Variants in NEU4 observed in about 807,000 individuals in gnomAD.
The protein encoded by NEU4 is neuraminidase 4.
A neutral mutation model predicts 9.9 loss-of-function variants in NEU4; 7 were observed. The observed-to-expected ratio is 0.71, with a 90% CI of 0.40 to 1.33. The LOEUF (loss-of-function observed/expected upper bound fraction) is 1.33, where lower values mean the gene tolerates loss of function less well. NEU4 is among the 40% of genes most tolerant of loss of function. NEU4 has a pLI of 0.01. For missense variants in NEU4, 717 were observed against 712.6 expected, an observed-to-expected ratio of 1.01 and a Z score of -0.07; for synonymous variants, 348 against 316.9, an observed-to-expected ratio of 1.10 and a Z score of -1.04.
At position 241,816,543 on chromosome 2, in the gene NEU4, C is replaced by G; in HGVS notation, c.950C>G (p.Pro317Arg). Residue 317 changes from proline (P) to arginine (R), a missense_variant, in exon 4 of 4, where the codon CCA becomes CGA. Pro to Arg is a moderately radical substitution (Grantham distance 103). Transcript: ENST00000407683. ...CTCGGTCCTGGAGTCCACGAACCCC[C>G]AGAGGAGGCTGCTGTAGACCCCCGT... ...PLLGPGVHEP[P>R]EEAAVDPRGG... 1 of 1,611,842 alleles carries G rather than the reference C, an allele frequency of 6.2e-7. No individual in the cohort carries two copies. The highest frequency in any genetic ancestry group is 8.5e-7 in the Non-Finnish European group (1 of 1,179,686).
chr2:241,815,759 C>G (rs1575383351), intron 3 of NEU4: 1 of 581,196 alleles, frequency 1.7e-6, no homozygotes, highest in East Asian at 2.9e-5. Flanking sequence ...CCCAGGGACC[C>G]CACTGCAGGG....
chr2:241,814,282 G>A, intron 1 of NEU4, 200 bp from the exon 2 acceptor site: 1 of 619,852 alleles, frequency 1.6e-6, no homozygotes. Flanking sequence ...GGGTGCGAGG[G>A]AGGGTGGGGG....
Position 241,814,955 on chromosome 2 carries a change from CCTGTGCACGATG to C in NEU4, c.269_280del (p.Val90_Ala93del). On this transcript the variant is annotated inframe_deletion, in exon 3 of 4. Transcript: ENST00000407683. The stretch of plus-strand genomic sequence containing the variant: ...GGAGCACCGGTCCATGAACCCCTGC[CCTGTGCACGATG>C]CTGGCACGGGCACCGTCTTCCTCTT... 3 of 1,611,922 alleles carry C rather than the reference CCTGTGCACGATG, an allele frequency of 1.9e-6. No individual in the cohort carries two copies. Among genetic ancestry groups the C allele is most frequent in the Non-Finnish European group, 2.5e-6 (3 of 1,179,828 alleles).
At position 241,813,540 on chromosome 2, in the gene NEU4, C is replaced by T. The variant is rs764842729; in HGVS notation, c.-3-942C>T. ...CAGGTCCCGCCTGCAACAAGCAGAC[C>T]CCATGCGTGCCCCAAATGCCCCCTC... is the stretch of plus-strand genomic sequence containing the variant. On this transcript the variant is annotated intron_variant, in intron 1 of 3. Coordinates refer to ENST00000407683, the MANE Select transcript of NEU4 (RefSeq NM_001167600.3). 30 of 1,265,232 alleles carry T rather than the reference C, an allele frequency of 2.4e-5. No individual in the cohort carries two copies. In the South Asian group the frequency reaches 3.8e-4, roughly 16 times the overall value. The allele number at this position is 1,265,232 out of a possible 1,614,324, so 78.4% of individuals were successfully genotyped here. A position where few individuals can be genotyped will look rare whatever the true frequency, so the allele number is the denominator to read the frequency against.
chr2:241,814,520 C>T lies in NEU4; in HGVS notation c.36C>T (p.Leu12=), dbSNP rs1479706252. 7 of 1,611,130 alleles carry T rather than the reference C, an allele frequency of 4.3e-6. No individual in the cohort carries two copies. Among genetic ancestry groups the T allele is most frequent in the African/African-American group, 1.3e-5 (1 of 75,044 alleles). The change falls in exon 2 of 4, where the codon CTC becomes CTT. Residue 12 remains leucine, a synonymous_variant. Coordinates refer to ENST00000407683, the MANE Select transcript of NEU4 (RefSeq NM_001167600.3). ...GVPRTPSRTV[L]FERERTGLTY... ...CTCGTACCCCTTCACGGACAGTGCT[C>T]TTCGAGCGGGAGAGGACGGGCCTGA...
intron 2 of NEU4, 73 bp downstream of exon 2, chr2:241,814,758 G>T: frequency 1.3e-6 from 2 of 1,499,176 alleles, no homozygotes; most frequent in Admixed American, 2.0e-5. Flanking sequence ...CCGGGATGGG[G>T]CGGGGGTGGC....
Position 241,809,366 on chromosome 2 carries a change from G to A in NEU4, c.-4+92G>A, listed in dbSNP as rs116586826. 1,402 of 647,366 alleles carry A rather than the reference G, an allele frequency of 2.2e-3. 15 individuals carry two copies. The African/African-American group carries it at 0.023, about 11-fold the overall frequency. The allele number at this position is 647,366 out of a possible 1,614,324, so 40.1% of individuals were successfully genotyped here. A position where few individuals can be genotyped will look rare whatever the true frequency, so the allele number is the denominator to read the frequency against. On this transcript the variant is annotated intron_variant, in intron 1 of 3. Coordinates refer to ENST00000407683, the MANE Select transcript of NEU4 (RefSeq NM_001167600.3). ...AGAGAGTGTTGAGAACAGCCTGTCC[G>A]GGCTGTGCATTGAGAAGGGGCGGTT... is the stretch of plus-strand genomic sequence containing the variant.
intron 2 of NEU4, 38 bp downstream of exon 2, chr2:241,814,723 G>A (rs1279601933): frequency 2.0e-6 from 3 of 1,521,384 alleles, no homozygotes; most frequent in African/African-American, 1.4e-5. Context: ...GGGTGTAGTG[G>A]CCGGATCTGC....
rs747750237 is a variant in NEU4 at position 241,814,607 on chromosome 2, G to C, written c.123G>C (p.Glu41Asp). The change falls in exon 2 of 4, where the codon GAG becomes GAC. Residue 41 changes from glutamate to aspartate, a missense_variant. Glu to Asp is a conservative substitution (Grantham distance 45). Coordinates refer to ENST00000407683, the MANE Select transcript of NEU4 (RefSeq NM_001167600.3). ...PPGPTLLAFV[E>D]QRLSPDDSHA... ...GGCCCACCCTGCTGGCCTTTGTGGA[G>C]CAGCGGCTCAGCCCTGACGACTCCC... 2 of 1,609,930 alleles carry C rather than the reference G, an allele frequency of 1.2e-6. No homozygotes were observed. The highest frequency in any genetic ancestry group is 2.2e-5 in the South Asian group (2 of 90,666).
chr2:241,817,294 T>C lies in NEU4; in HGVS notation c.*246T>C. On this transcript the variant is annotated 3_prime_UTR_variant, in exon 4 of 4. Transcript: ENST00000407683. ...GTGGGCCCTGGGTGACCCCCACAGC[T>C]CCCTTCCGAGGCTGCAGGGCCAGGC... The C allele has an allele frequency of 2.0e-6, 1 of 491,422 alleles. No homozygotes were observed. Among genetic ancestry groups the C allele is most frequent in the Non-Finnish European group, 3.5e-6 (1 of 285,400 alleles). 30.4% of individuals were successfully genotyped at this position (491,422 alleles called of 1,614,324 possible). A position where few individuals can be genotyped will look rare whatever the true frequency, so the allele number is the denominator to read the frequency against.
rs773540599 is a variant in NEU4 at position 241,816,739 on chromosome 2, C to A, written c.1146C>A (p.His382Gln). 5.1e-6 allele frequency: 8 copies of A among 1,566,564 alleles called. No homozygotes were observed. The highest frequency in any genetic ancestry group is 6.9e-6 in the Non-Finnish European group (8 of 1,157,282). ...GCCCCACGTGGCTGCTGTACTCCCA[C>A]CCAGTGGGGCGCAGGGCTCGGCTAC... ...PQSPTWLLYS[H>Q]PVGRRARLHM... Residue 382 changes from histidine (H) to glutamine (Q), a missense_variant, in exon 4 of 4, where the codon CAC (histidine) becomes CAA (glutamine). By Grantham distance (24) the His-to-Gln change is conservative. Coordinates refer to ENST00000407683, the MANE Select transcript of NEU4 (RefSeq NM_001167600.3).
In NEU4 at chr2:241,817,004, C is replaced by T. The variant is rs752263497; in HGVS notation, c.1411C>T (p.Pro471Ser). 1.2e-5 allele frequency: 19 copies of T among 1,608,384 alleles called. No homozygotes were observed. Among genetic ancestry groups the T allele is most frequent in the Non-Finnish European group, 1.6e-5 (19 of 1,177,924 alleles). The change falls in exon 4 of 4, where the codon CCC (proline) becomes TCC (serine). Residue 471 changes from proline (P) to serine (S), a missense_variant. Physicochemically the swap from Pro to Ser is moderately conservative, Grantham distance 74 (BLOSUM62 -1). Transcript: ENST00000407683. ...LENVPASPKP[P>S]NLGDKPRGCC... ...GAACGTGCCCGCCAGCCCCAAACCG[C>T]CCAACCTTGGGGACAAGCCTCGGGG...
At position 241,816,997 on chromosome 2, in the gene NEU4, C is replaced by T. The variant is rs1481532928; in HGVS notation, c.1404C>T (p.Pro468=). Residue 468 remains proline (P), a synonymous_variant, in exon 4 of 4, where the codon CCC becomes CCT. Coordinates refer to ENST00000407683, the MANE Select transcript of NEU4 (RefSeq NM_001167600.3). ...REVLENVPAS[P]KPPNLGDKPR... Reference sequence around the variant, plus strand: ...TCCTGGAGAACGTGCCCGCCAGCCCCAAACCGCCCAACCTTGGGGACAAGC... The same window carrying T: ...TCCTGGAGAACGTGCCCGCCAGCCCTAAACCGCCCAACCTTGGGGACAAGC... The T allele has an allele frequency of 6.2e-7, 1 of 1,609,778 alleles. No homozygotes were observed.
chr2:241,815,306 A>G (rs921192165), intron 3 of NEU4, 159 bp downstream of exon 3: 18 of 1,066,748 alleles, frequency 1.7e-5, no homozygotes, highest in Non-Finnish European at 2.2e-5. Flanking sequence ...CTCCCGTCCC[A>G]GGCAAATCCC....
At position 241,816,034 on chromosome 2, in the gene NEU4, TG is replaced by T. The variant is rs1700316292; in HGVS notation, c.458-16del. 2.5e-6 allele frequency: 4 copies of T among 1,579,092 alleles called. No homozygotes were observed. The highest frequency in any genetic ancestry group is 3.4e-6 in the Non-Finnish European group (4 of 1,163,762). ...GGGACCCAGCAGCCCCTCCCACCTC[TG>T]CCCTCCTCCCTGCAGACTGGGCCAC... On this transcript the variant is annotated splice_polypyrimidine_tract_variant and intron_variant, in intron 3 of 3. Transcript: ENST00000407683.
Position 241,816,478 on chromosome 2 carries a change from T to C in NEU4, c.885T>C (p.Ser295=). The part of the protein sequence containing the change: ...APAPNRPRDD[S]WSVGPGSPLQ... ...CCCCCAACAGGCCACGGGATGACAG[T>C]TGGTCAGTGGGCCCCGGGAGTCCCC... Residue 295 remains serine, a synonymous_variant, in exon 4 of 4, where the codon AGT becomes AGC. Transcript: ENST00000407683. 1 of 1,609,948 alleles carries C rather than the reference T, an allele frequency of 6.2e-7. No individual in the cohort carries two copies. The highest frequency in any genetic ancestry group is 8.5e-7 in the Non-Finnish European group (1 of 1,179,090).
chr2:241,814,424 C>T lies in NEU4; in HGVS notation c.-3-58C>T, dbSNP rs1046382759. On this transcript the variant is annotated intron_variant, in intron 1 of 3. Coordinates refer to ENST00000407683, the MANE Select transcript of NEU4 (RefSeq NM_001167600.3). The stretch of plus-strand genomic sequence containing the variant: ...CGCATTCCCCAGTCCAGACCGGGAG[C>T]GAGTGTGGGGCTCCCTGGGCCTGTC... 89 of 1,532,438 alleles carry T rather than the reference C, an allele frequency of 5.8e-5. 1 individual carries two copies. Among genetic ancestry groups the T allele is most frequent in the Admixed American group, 6.9e-5 (4 of 57,998 alleles). The allele number at this position is 1,532,438 out of a possible 1,614,324, so 94.9% of individuals were successfully genotyped here. A position where few individuals can be genotyped will look rare whatever the true frequency, so the allele number is the denominator to read the frequency against.
intron 1 of NEU4, chr2:241,809,973 A>C (rs1700060957): frequency 1.3e-5 from 2 of 152,578 alleles, no homozygotes; most frequent in South Asian, 4.1e-4. Context: ...CTGGGTACTT[A>C]GGGGATGGCC....
At chr2:241,813,695 C>T (rs1225972221) in intron 1 of NEU4, 1 of 478,806 alleles carries the variant, frequency 2.1e-6, no homozygotes, top group Non-Finnish European at 4.0e-6. Flanking sequence ...GTGGGAAGCA[C>T]CAGGCACTGG....
Sources: allele counts gnomAD v4.1 joint callset, GRCh38; gene constraint gnomAD v4.1.1; transcripts MANE v1.5; gene names NCBI Gene and HGNC (gene_info 2026-07-23, HGNC 2026-07-21).